Variants in TMEM135 observed in about 807,000 individuals in gnomAD.
TMEM135 encodes transmembrane protein 135.
A neutral mutation model predicts 60.3 loss-of-function variants in TMEM135; 30 were observed. That is an observed-to-expected ratio of 0.50 (90% CI 0.37 to 0.68). TMEM135 has a LOEUF of 0.68. TMEM135 is among the 30% of genes least tolerant of loss of function. TMEM135 has a pLI of 0.00. For synonymous variants in TMEM135, 190 were observed against 186.7 expected (o/e 1.02, Z -0.14); for missense variants, 468 against 548.8 (o/e 0.85, Z 1.47).
chr11:87,243,535 G>A (rs1193764494), intron 6 of TMEM135, among the ~76,000 whole-genome samples: 1 of 114,964 alleles, frequency 8.7e-6, no homozygotes, highest in East Asian at 2.1e-4. Flanking sequence ...TCCTTGAGCA[G>A]TGGTTTGTAG....
At chr11:87,140,405 G>C (rs201667760) in intron 4 of TMEM135, among the ~76,000 whole-genome samples, 5 of 152,100 alleles carry the variant, frequency 3.3e-5, no homozygotes, top group East Asian at 3.9e-4. Flanking sequence ...GGCTATCATG[G>C]GCAAACAATT....
At chr11:87,105,421 TC>T (rs1310790102) in intron 4 of TMEM135, among the ~76,000 whole-genome samples, 3 of 152,122 alleles carry the variant, frequency 2.0e-5, no homozygotes, top group Non-Finnish European at 4.4e-5. Flanking sequence ...AACAGTTTCA[TC>T]CTGAAACCAA....
rs1349229090 is a variant in TMEM135, at chr11:87,195,377, C to CT, written c.462+37971_462+37972insT. ...TCCTTCCTTCCTTCCTTCCTTCCTT[C>CT]CTTCCTTCCTTCCTTCTCTCTCTCT... On this transcript the variant is annotated intron_variant, in intron 5 of 14. Coordinates refer to ENST00000305494, the MANE Select transcript of TMEM135 (RefSeq NM_022918.4). 7.8e-3 allele frequency among the ~76,000 whole-genome samples: 1,033 copies of CT among 131,682 alleles called. 44 individuals carry two copies. Among genetic ancestry groups the CT allele is most frequent in the Non-Finnish European group, 0.011 (695 of 61,106 alleles). The allele number at this position is 131,682 out of a possible 152,430, so 86.4% of individuals were successfully genotyped here.
intron 6 of TMEM135, among the ~76,000 whole-genome samples, chr11:87,270,291 A>G (rs541274945): frequency 1.1e-3 from 167 of 151,818 alleles, no homozygotes; most frequent in African/African-American, 3.8e-3. Flanking sequence ...CCCATTTTGT[A>G]GGATGCCTGT....
intron 6 of TMEM135, among the ~76,000 whole-genome samples, chr11:87,252,321 T>G (rs529597560): frequency 3.3e-5 from 5 of 152,152 alleles, no homozygotes; most frequent in African/African-American, 1.2e-4. Context: ...CTGGGAAAAA[T>G]TATTATAAAT....
intron 5 of TMEM135, among the ~76,000 whole-genome samples, chr11:87,166,184 T>C (rs1422247720): frequency 6.6e-6 from 1 of 151,648 alleles, no homozygotes; most frequent in Admixed American, 6.6e-5. Flanking sequence ...GTTTTTTTCT[T>C]GTAAATTTAT....
intron 10 of TMEM135, among the ~76,000 whole-genome samples, chr11:87,310,519 G>A (rs890020343): frequency 6.6e-6 from 1 of 151,506 alleles, no homozygotes; most frequent in African/African-American, 2.4e-5. Flanking sequence ...AAAAACTAGT[G>A]CCTGGGTATT....
chr11:87,089,099 T>G (rs141893984), intron 3 of TMEM135, among the ~76,000 whole-genome samples: 2,198 of 152,334 alleles, frequency 0.014, 65 homozygotes, highest in African/African-American at 0.05. Flanking sequence ...GAATTTTATG[T>G]TTAGACTTGG....
At chr11:87,278,817 T>A (rs112016039) in intron 6 of TMEM135, among the ~76,000 whole-genome samples, 1 of 25,634 alleles carries the variant, frequency 3.9e-5, no homozygotes, top group Non-Finnish European at 9.8e-5. Flanking sequence ...TTCTTTAAAA[T>A]TTCTTTTGTG....
At chr11:87,295,577 A>G (rs1248987343) in intron 6 of TMEM135, among the ~76,000 whole-genome samples, 1 of 152,188 alleles carries the variant, frequency 6.6e-6, no homozygotes, top group Non-Finnish European at 1.5e-5. Flanking sequence ...AGTAATGTTA[A>G]TGTGACATAG....
Position 87,038,319 on chromosome 11 carries a change from TGGG to T in TMEM135, c.141+137_141+139del, listed in dbSNP as rs886772556. The T allele has an allele frequency of 1.3e-5, 3 of 229,322 alleles. 1 individual carries two copies. The highest frequency in any genetic ancestry group is 2.1e-5 in the Non-Finnish European group (3 of 144,528). The allele number at this position is 229,322 out of a possible 1,614,324, so 14.2% of individuals were successfully genotyped here. On this transcript the variant is annotated intron_variant, in intron 1 of 14. Coordinates refer to ENST00000305494, the MANE Select transcript of TMEM135 (RefSeq NM_022918.4). ...CTCTTTTGGAGGGGTCGGAGTGTTT[TGGG>T]GGGTCGGTAGGGGGAAGGGGGAGGT...
intron 5 of TMEM135, among the ~76,000 whole-genome samples, chr11:87,204,093 G>A (rs1940181998): frequency 6.6e-6 from 1 of 150,996 alleles, no homozygotes; most frequent in Admixed American, 6.6e-5. Flanking sequence ...TCCTCTTTTG[G>A]CTCGTTTACT....
chr11:87,287,949 T>G (rs1352574920), intron 6 of TMEM135, among the ~76,000 whole-genome samples: 1 of 152,184 alleles, frequency 6.6e-6, no homozygotes, highest in African/African-American at 2.4e-5. Context: ...TCCTAAATGA[T>G]CAAGAATTGA....
intron 5 of TMEM135, among the ~76,000 whole-genome samples, chr11:87,224,375 T>C (rs1368475535): frequency 6.6e-6 from 1 of 152,250 alleles, no homozygotes; most frequent in Non-Finnish European, 1.5e-5. Flanking sequence ...ATAATCTTCA[T>C]TCTAGTGATC....
At chr11:87,117,121 A>G (rs560470191) in intron 4 of TMEM135, among the ~76,000 whole-genome samples, 23 of 152,240 alleles carry the variant, frequency 1.5e-4, no homozygotes, top group African/African-American at 5.3e-4. Flanking sequence ...GCGCCCAGCC[A>G]AAGCATTATG....
intron 4 of TMEM135, among the ~76,000 whole-genome samples, chr11:87,092,507 G>A (rs1857231047): frequency 6.6e-6 from 1 of 152,144 alleles, no homozygotes; most frequent in African/African-American, 2.4e-5. Flanking sequence ...CCTAGGGTAT[G>A]CCATCAAGTA....
chr11:87,097,910 T>A (rs1366537895), intron 4 of TMEM135, among the ~76,000 whole-genome samples: 3 of 152,282 alleles, frequency 2.0e-5, no homozygotes, highest in African/African-American at 7.2e-5. Context: ...CAAACCTCTG[T>A]ATCTTTTTTT....
intron 4 of TMEM135, chr11:87,095,354 C>A: frequency 4.6e-6 from 1 of 215,670 alleles, no homozygotes; most frequent in South Asian, 8.6e-5. Context: ...CCCAATTTTT[C>A]AGTTTTCTAC....
chr11:87,321,162 C>T lies in TMEM135; in HGVS notation c.1245-39C>T, dbSNP rs200735631. On this transcript the variant is annotated intron_variant, in intron 14 of 14. Transcript: ENST00000305494. ...AAAATGAATTATTTTATTTTATAAACTATATTAATACTTGTTTACTGTATT... is the reference window on the plus strand; with the variant it reads ...AAAATGAATTATTTTATTTTATAAATTATATTAATACTTGTTTACTGTATT... The T allele has an allele frequency of 5.4e-4, 829 of 1,536,932 alleles. 4 individuals are homozygous for T. The African/African-American group carries it at 9.5e-3, about 18-fold the overall frequency.
Sources: allele counts gnomAD v4.1 joint callset (sites outside exome capture counted in the v4.1 genomes callset), GRCh38; gene constraint gnomAD v4.1.1; transcripts MANE v1.5; gene names NCBI Gene and HGNC (gene_info 2026-07-23, HGNC 2026-07-21).